Variants in RIMKLB observed in about 807,000 individuals in gnomAD.
RIMKLB encodes the protein beta-citrylglutamate synthase B.
A neutral mutation model predicts 32.0 loss-of-function variants in RIMKLB; 7 were observed. That is an observed-to-expected ratio of 0.22 (90% CI 0.12 to 0.41). RIMKLB has a LOEUF of 0.41. RIMKLB is among the 10% of genes least tolerant of loss of function. RIMKLB has a pLI of 1.00. For missense variants in RIMKLB, 289 were observed against 498.7 expected, an observed-to-expected ratio of 0.58 and a Z score of 4.00; for synonymous variants, 172 against 185.1, an observed-to-expected ratio of 0.93 and a Z score of 0.57.
chr12:8,670,026 C>CAA, the RIMKLB span, among the ~76,000 whole-genome samples: 274 of 36,486 alleles, frequency 7.5e-3, 6 homozygotes, highest in African/African-American at 0.011. Context: ...GACTCCGTCT[C>CAA]AAAAAAAAAA....
At chr12:8,685,629 G>T (rs1030199930) in intron 1 of RIMKLB, among the ~76,000 whole-genome samples, 2 of 147,908 alleles carry the variant, frequency 1.4e-5, no homozygotes, top group Non-Finnish European at 2.9e-5. Flanking sequence ...CATAGGATTT[G>T]CAGTGATGCC....
intron 2 of RIMKLB, among the ~76,000 whole-genome samples, chr12:8,719,063 T>G (rs958021378): frequency 2.0e-5 from 3 of 152,112 alleles, no homozygotes; most frequent in Non-Finnish European, 4.4e-5. Context: ...ATCCTCCTCC[T>G]TCCCTCCCTC....
intron 2 of RIMKLB, among the ~76,000 whole-genome samples, chr12:8,721,543 C>T (rs1441369124): frequency 1.3e-5 from 2 of 152,210 alleles, no homozygotes; most frequent in African/African-American, 4.8e-5. Flanking sequence ...CAGCAATCTT[C>T]ATGAGACTGC....
At chr12:8,674,240 CTTTT>C in the RIMKLB span, among the ~76,000 whole-genome samples, 1 of 124,454 alleles carries the variant, frequency 8.0e-6, no homozygotes, top group Non-Finnish European at 1.7e-5. Context: ...TTTTTTTTTC[CTTTT>C]TTTTTTTTTT....
At chr12:8,668,777 T>C in the RIMKLB span, 2 of 152,306 alleles carry the variant, frequency 1.3e-5, no homozygotes, top group African/African-American at 4.8e-5. Context: ...CCTGAGATGA[T>C]GACAGCACCA....
chr12:8,751,232 A>G (rs1008306319), intron 3 of RIMKLB, among the ~76,000 whole-genome samples: 1 of 152,202 alleles, frequency 6.6e-6, no homozygotes, highest in East Asian at 1.9e-4. Context: ...CCTTTGTTCT[A>G]TTGATGAAGG....
chr12:8,690,250 C>T (rs1403053268), intron 1 of RIMKLB, among the ~76,000 whole-genome samples: 1 of 152,130 alleles, frequency 6.6e-6, no homozygotes, highest in Non-Finnish European at 1.5e-5. Flanking sequence ...AGAATCCATA[C>T]ATATTTGAAG....
intron 5 of RIMKLB, among the ~76,000 whole-genome samples, chr12:8,766,485 G>A (rs1169458982): frequency 1.3e-5 from 2 of 152,200 alleles, no homozygotes; most frequent in African/African-American, 4.8e-5. Flanking sequence ...TTGTTTCAGA[G>A]AGGGTGTAGG....
intron 1 of RIMKLB, among the ~76,000 whole-genome samples, chr12:8,707,656 C>G (rs1243040191): frequency 6.6e-6 from 1 of 152,166 alleles, no homozygotes. Flanking sequence ...CTAATCATGC[C>G]TTGGTCTTTC....
At chr12:8,698,976 C>T (rs1332898035) in intron 1 of RIMKLB, among the ~76,000 whole-genome samples, 1 of 151,504 alleles carries the variant, frequency 6.6e-6, no homozygotes, top group African/African-American at 2.4e-5. Flanking sequence ...AAAACCCAAA[C>T]CAGAGTGGTA....
At chr12:8,711,583 T>TA (rs1944382533) in intron 1 of RIMKLB, among the ~76,000 whole-genome samples, 1 of 152,164 alleles carries the variant, frequency 6.6e-6, no homozygotes, top group African/African-American at 2.4e-5. Flanking sequence ...GTTAGTTACA[T>TA]ATGTATACAT....
intron 1 of RIMKLB, among the ~76,000 whole-genome samples, chr12:8,683,081 G>T (rs1942463335): frequency 6.6e-6 from 1 of 152,142 alleles, no homozygotes; most frequent in South Asian, 2.1e-4. Flanking sequence ...TCTTTTGGAG[G>T]CCTGATAGGT....
chr12:8,706,772 C>G (rs1186744613), intron 1 of RIMKLB, among the ~76,000 whole-genome samples: 2 of 151,988 alleles, frequency 1.3e-5, no homozygotes, highest in East Asian at 3.9e-4. Context: ...TTTTAAAAAA[C>G]ATGCTTAACT....
chr12:8,754,159 A>C, intron 5 of RIMKLB, 66 bp downstream of exon 5: 1 of 1,199,544 alleles, frequency 8.3e-7, no homozygotes, highest in Non-Finnish European at 1.2e-6. Context: ...GTGAGTATTC[A>C]TATGTATGTA....
In RIMKLB at chr12:8,755,349, C is replaced by T. The variant is rs140233508; in HGVS notation, c.697+1256C>T. On this transcript the variant is annotated intron_variant, in intron 5 of 5. Transcript: ENST00000535829. Reference sequence around the variant, plus strand: ...CTCCTGGGCTCAAGTAATCCTCCTTCATTGGCCTTCTAAACTTGTGGGATT... The same window carrying T: ...CTCCTGGGCTCAAGTAATCCTCCTTTATTGGCCTTCTAAACTTGTGGGATT... Among the ~76,000 whole-genome samples, 311 of 151,988 alleles carry T rather than the reference C, an allele frequency of 2.0e-3. 5 individuals carry two copies. In the East Asian group the frequency reaches 0.021, roughly 10 times the overall value.
intron 1 of RIMKLB, among the ~76,000 whole-genome samples, chr12:8,702,112 T>G (rs903318274): frequency 4.6e-5 from 7 of 152,244 alleles, no homozygotes; most frequent in African/African-American, 1.7e-4. Flanking sequence ...ATATAGCAGA[T>G]TATTAAAATA....
Position 8,756,141 on chromosome 12 carries a change from G to A in RIMKLB, c.697+2048G>A, listed in dbSNP as rs1949002463. Among the ~76,000 whole-genome samples, 5 of 144,970 alleles carry A rather than the reference G, an allele frequency of 3.4e-5. No individual in the cohort carries two copies. In the Admixed American group the frequency reaches 3.5e-4, roughly 10 times the overall value. ...TGCACTCCAGCCTGGGCAACAGAGT[G>A]AGACTCTGCCTCAAAAAAAAAAAAA... On this transcript the variant is annotated intron_variant, in intron 5 of 5. Transcript: ENST00000535829.
intron 1 of RIMKLB, among the ~76,000 whole-genome samples, chr12:8,708,442 T>A (rs994804954): frequency 6.0e-5 from 9 of 149,260 alleles, no homozygotes; most frequent in East Asian, 5.8e-4. Context: ...ATTTGTCCTC[T>A]GTACAGAATA....
intron 1 of RIMKLB, among the ~76,000 whole-genome samples, chr12:8,707,598 G>A (rs1406455660): frequency 6.6e-6 from 1 of 152,134 alleles, no homozygotes; most frequent in Admixed American, 6.5e-5. Context: ...CTGTTAGCCC[G>A]TCTCCCGTCT....
Sources: gnomAD v4.1 joint callset for allele counts (sites outside exome capture counted in the v4.1 genomes callset) on GRCh38, gnomAD v4.1.1 for gene constraint, MANE v1.5 for transcripts, NCBI Gene and HGNC (gene_info 2026-07-23, HGNC 2026-07-21) for gene names.